Variants in PLS1 observed in about 807,000 individuals in gnomAD.
The protein encoded by PLS1 is plastin-1.
A neutral mutation model predicts 73.7 loss-of-function variants in PLS1; 32 were observed. The ratio of observed to expected loss-of-function variants is 0.43; its 90% CI spans 0.33 to 0.58. The LOEUF (loss-of-function observed/expected upper bound fraction) is 0.58, where lower values mean the gene tolerates loss of function less well. PLS1 is among the 20% of genes least tolerant of loss of function. PLS1 has a pLI of 0.04. For synonymous variants in PLS1, 217 were observed against 261.3 expected, an observed-to-expected ratio of 0.83 and a Z score of 1.63; for missense variants, 633 against 740.5, an observed-to-expected ratio of 0.85 and a Z score of 1.68.
Position 142,712,028 on chromosome 3 carries a change from C to T in PLS1, c.*21C>T. The T allele has an allele frequency of 6.2e-7, 1 of 1,604,742 alleles. No homozygotes were observed. Among genetic ancestry groups the T allele is most frequent in the South Asian group, 1.1e-5 (1 of 90,614 alleles). On this transcript the variant is annotated 3_prime_UTR_variant, in exon 16 of 16. Coordinates refer to ENST00000457734, the MANE Select transcript of PLS1 (RefSeq NM_001145319.2). Reference sequence around the variant, plus strand: ...AATAATCATTTCATATGATTTTCTGCCACATTAAACATATTGTATGCCTCA... The same window carrying T: ...AATAATCATTTCATATGATTTTCTGTCACATTAAACATATTGTATGCCTCA...
At chr3:142,698,207 C>T in intron 12 of PLS1, 140 bp downstream of exon 12, 1 of 553,456 alleles carries the variant, frequency 1.8e-6, no homozygotes, top group Non-Finnish European at 3.2e-6. Flanking sequence ...AGCCTTTTTA[C>T]AAGTTTGCTT....
chr3:142,671,299 A>C (rs1373888324), intron 4 of PLS1, among the ~76,000 whole-genome samples, 177 bp downstream of exon 4: 1 of 152,204 alleles, frequency 6.6e-6, no homozygotes, highest in African/African-American at 2.4e-5. Flanking sequence ...AATACATCTC[A>C]GTTTCACAGA....
chr3:142,658,636 G>A (rs2037295629), intron 1 of PLS1, among the ~76,000 whole-genome samples: 1 of 152,106 alleles, frequency 6.6e-6, no homozygotes, highest in Non-Finnish European at 1.5e-5. Flanking sequence ...AACATATATA[G>A]TATTTTGTGT....
intron 3 of PLS1, among the ~76,000 whole-genome samples, 199 bp downstream of exon 3, chr3:142,669,752 T>G (rs1313512582): frequency 6.6e-6 from 1 of 152,240 alleles, no homozygotes; most frequent in Non-Finnish European, 1.5e-5. Flanking sequence ...GAAAAAATTA[T>G]TCTCAAATTG....
At chr3:142,677,915 A>G (rs996221722) in intron 5 of PLS1, 117 bp from the exon 6 acceptor site, 2 of 523,644 alleles carry the variant, frequency 3.8e-6, no homozygotes, top group Non-Finnish European at 6.7e-6. Context: ...CTTACTGTTT[A>G]ATATTTTAAA....
chr3:142,606,725 C>T lies in PLS1; in HGVS notation c.-37+10216C>T, dbSNP rs1215036775. Among the ~76,000 whole-genome samples, 3 of 152,118 alleles carry T rather than the reference C, an allele frequency of 2.0e-5. No individual in the cohort carries two copies. In the East Asian group the frequency reaches 5.8e-4, roughly 29 times the overall value. On this transcript the variant is annotated intron_variant, in intron 1 of 15. Transcript: ENST00000457734. The stretch of plus-strand genomic sequence containing the variant: ...GTGGCCTTTTGCGTCTGGCTTATTT[C>T]ACTTAGCACAATGATGTCAAGGTTC...
chr3:142,638,212 C>G (rs1459180241), intron 1 of PLS1, among the ~76,000 whole-genome samples: 1 of 152,144 alleles, frequency 6.6e-6, no homozygotes, highest in East Asian at 1.9e-4. Flanking sequence ...TCATTTGATC[C>G]TGACAACGCT....
At chr3:142,705,834 T>C (rs1429347989) in intron 14 of PLS1, among the ~76,000 whole-genome samples, 1 of 152,222 alleles carries the variant, frequency 6.6e-6, no homozygotes, top group African/African-American at 2.4e-5. Flanking sequence ...AGACGTTGCC[T>C]GAGTCCTAGT....
intron 6 of PLS1, among the ~76,000 whole-genome samples, chr3:142,679,737 G>T (rs916039669): frequency 1.3e-5 from 2 of 152,232 alleles, no homozygotes; most frequent in African/African-American, 4.8e-5. Flanking sequence ...TTTTGGCTTA[G>T]GATTGACTTG....
intron 1 of PLS1, among the ~76,000 whole-genome samples, chr3:142,599,067 T>G (rs557276933): frequency 1.1e-3 from 172 of 152,158 alleles, no homozygotes; most frequent in Non-Finnish European, 2.0e-3. Flanking sequence ...GTAATTGTCT[T>G]ATTTCCCGTT....
intron 1 of PLS1, among the ~76,000 whole-genome samples, chr3:142,627,273 C>T (rs1317129683): frequency 2.0e-5 from 3 of 151,794 alleles, no homozygotes; most frequent in Non-Finnish European, 4.4e-5. Context: ...TAGTTTTGTA[C>T]CTACTTTTTT....
intron 8 of PLS1, 96 bp from the exon 9 acceptor site, chr3:142,686,188 A>G (rs547941929): frequency 2.7e-6 from 2 of 741,344 alleles, no homozygotes; most frequent in Admixed American, 4.2e-5. Context: ...ATTCTTTGAG[A>G]TAGAGGCAAT....
At chr3:142,687,035 G>C (rs1049910263) in intron 9 of PLS1, among the ~76,000 whole-genome samples, 8 of 152,156 alleles carry the variant, frequency 5.3e-5, no homozygotes, top group Non-Finnish European at 8.8e-5. Flanking sequence ...AGGAAGGACT[G>C]ATACAGATTC....
At chr3:142,710,852 C>T (rs779369687) in intron 14 of PLS1, among the ~76,000 whole-genome samples, 1 of 152,236 alleles carries the variant, frequency 6.6e-6, no homozygotes, top group African/African-American at 2.4e-5. Flanking sequence ...CCATTTTTAG[C>T]TTGCCTTGGT....
intron 1 of PLS1, among the ~76,000 whole-genome samples, chr3:142,610,042 T>C (rs769579334): frequency 2.6e-5 from 4 of 152,202 alleles, no homozygotes; most frequent in Non-Finnish European, 5.9e-5. Context: ...CTAATTTTTG[T>C]ATTTTTAGTA....
At chr3:142,628,368 GTGTGCGCGCACATGTGCATGCAGTGTGCA>G (rs2036478695) in intron 1 of PLS1, among the ~76,000 whole-genome samples, 3 of 141,796 alleles carry the variant, frequency 2.1e-5, no homozygotes, top group African/African-American at 8.1e-5. Context: ...CAGTGTGCAT[GTGTGCGCGCACATGTGCATGCAGTGTGCA>G]TGTGTGCATG....
At chr3:142,601,565 T>G (rs2035928143) in intron 1 of PLS1, among the ~76,000 whole-genome samples, 1 of 152,194 alleles carries the variant, frequency 6.6e-6, no homozygotes, top group Admixed American at 6.5e-5. Flanking sequence ...GGTTTCAGTC[T>G]GTCACCCAAT....
intron 3 of PLS1, 51 bp downstream of exon 3, chr3:142,669,604 T>G (rs776302084): frequency 7.4e-7 from 1 of 1,345,366 alleles, no homozygotes; most frequent in Non-Finnish European, 1.0e-6. Context: ...TAGAGCAGAA[T>G]TGTAGTAATG....
At chr3:142,662,498 T>C (rs2037393343) in intron 1 of PLS1, among the ~76,000 whole-genome samples, 3 of 152,174 alleles carry the variant, frequency 2.0e-5, no homozygotes, top group Non-Finnish European at 2.9e-5. Context: ...CAAACCACCA[T>C]GGCACATGTA....
Sources: allele counts gnomAD v4.1 joint callset (sites outside exome capture counted in the v4.1 genomes callset), GRCh38; gene constraint gnomAD v4.1.1; transcripts MANE v1.5; gene names NCBI Gene and HGNC (gene_info 2026-07-23, HGNC 2026-07-21).